Variants in RAD54L2 observed in about 807,000 individuals in gnomAD.
RAD54L2 encodes helicase ARIP4.
In RAD54L2, 27 loss-of-function variants were observed where a neutral mutation model predicts 138.4. That is an observed-to-expected ratio of 0.20 (90% CI 0.14 to 0.27). RAD54L2 has a LOEUF of 0.27. Among genes scored for constraint, RAD54L2 ranks in the 10% least tolerant of loss-of-function variants. The pLI, the probability that RAD54L2 is intolerant of heterozygous loss-of-function variation, is 1.00. For synonymous variants in RAD54L2, 644 were observed against 723.2 expected (o/e 0.89, Z 1.76); for missense variants, 1,396 against 1,890.2 (o/e 0.74, Z 4.85).
intron 3 of RAD54L2, among the ~76,000 whole-genome samples, chr3:51,608,316 G>A (rs183122723): frequency 4.6e-5 from 7 of 152,012 alleles, no homozygotes; most frequent in Non-Finnish European, 1.0e-4. Context: ...GATGACGGCC[G>A]GGAAGAGGCA....
At chr3:51,614,162 CT>C (rs75455053) in intron 3 of RAD54L2, among the ~76,000 whole-genome samples, 49 of 145,272 alleles carry the variant, frequency 3.4e-4, no homozygotes, top group Admixed American at 6.2e-4. Context: ...TGTTCTGTTT[CT>C]TTTTTTTTTT....
intron 2 of RAD54L2, among the ~76,000 whole-genome samples, chr3:51,587,027 TTGA>T (rs746596016): frequency 6.6e-5 from 10 of 152,120 alleles, no homozygotes; most frequent in Non-Finnish European, 1.3e-4. Flanking sequence ...TTCAAAGTTG[TTGA>T]TATCTAATTG....
Position 51,645,730 on chromosome 3 carries a change from G to T in RAD54L2, c.2796G>T (p.Leu932=). The T allele has an allele frequency of 6.2e-7, 1 of 1,612,834 alleles. No homozygotes were observed. Among genetic ancestry groups the T allele is most frequent in the Non-Finnish European group, 8.5e-7 (1 of 1,179,480 alleles). ...VKGIKESVLQ[L]ACLKYPHLIT... ...GGATCAAGGAGTCAGTCCTGCAACT[G>T]GCCTGTCTGAAGTACCCTCACCTCA... is the stretch of plus-strand genomic sequence containing the variant. Residue 932 remains leucine, a synonymous_variant, in exon 18 of 23, where the codon CTG becomes CTT. Coordinates refer to ENST00000684192, the MANE Select transcript of RAD54L2 (RefSeq NM_015106.4). The surrounding 1 kb of genome is among the most constrained non-coding windows in gnomAD (Gnocchi z 6.1).
chr3:51,585,124 T>C (rs1400881982), intron 2 of RAD54L2, among the ~76,000 whole-genome samples: 1 of 152,160 alleles, frequency 6.6e-6, no homozygotes, highest in Non-Finnish European at 1.5e-5. Flanking sequence ...TTTTCTACTC[T>C]TAAAAGACTT....
chr3:51,622,354 G>C (rs9864693), intron 3 of RAD54L2, among the ~76,000 whole-genome samples: 114,423 of 151,488 alleles, frequency 0.76, 44,205 homozygotes, highest in Middle Eastern at 0.86. Flanking sequence ...TGCTTTCTTT[G>C]GGAGGCTTTT....
chr3:51,579,386 G>A (rs747038294), intron 2 of RAD54L2, among the ~76,000 whole-genome samples: 3 of 152,228 alleles, frequency 2.0e-5, no homozygotes, highest in Middle Eastern at 3.4e-3. Context: ...TTGAGGGTGG[G>A]GCCCTTGCCA....
Position 51,630,404 on chromosome 3 carries a change from G to T in RAD54L2, c.598+16G>T. The T allele has an allele frequency of 2.5e-6, 4 of 1,602,300 alleles. No homozygotes were observed. The highest frequency in any genetic ancestry group is 3.4e-6 in the Non-Finnish European group (4 of 1,169,702). ...AGTCGAGATGGTAAGATCAAACCAG[G>T]TGCCTCCCTTTCTTCCGACCTGGTG... On this transcript the variant is annotated intron_variant, in intron 6 of 22. Transcript: ENST00000684192.
intron 2 of RAD54L2, among the ~76,000 whole-genome samples, chr3:51,550,530 A>G (rs1250617521): frequency 6.6e-6 from 1 of 152,076 alleles, no homozygotes; most frequent in Non-Finnish European, 1.5e-5. Context: ...TGGGAGGCCA[A>G]GGTAGGTGGA....
chr3:51,635,427 A>G (rs2045913644), intron 9 of RAD54L2, among the ~76,000 whole-genome samples, 166 bp from the exon 10 acceptor site: 1 of 152,198 alleles, frequency 6.6e-6, no homozygotes, highest in South Asian at 2.1e-4. Flanking sequence ...CTTGGGTGGT[A>G]GGCTACCCCT....
At chr3:51,619,067 T>C (rs932556305) in intron 3 of RAD54L2, among the ~76,000 whole-genome samples, 1 of 152,118 alleles carries the variant, frequency 6.6e-6, no homozygotes, top group Admixed American at 6.5e-5. Flanking sequence ...TTTGTTTGTT[T>C]GTTTGTTTGA....
chr3:51,584,524 A>G (rs570632659), intron 2 of RAD54L2, among the ~76,000 whole-genome samples: 12 of 151,814 alleles, frequency 7.9e-5, no homozygotes, highest in Non-Finnish European at 1.5e-4. Flanking sequence ...TTGCATAGGA[A>G]GGTATTTGGA....
chr3:51,546,850 G>A (rs920130083), intron 2 of RAD54L2, among the ~76,000 whole-genome samples: 9 of 151,548 alleles, frequency 5.9e-5, no homozygotes, highest in Non-Finnish European at 1.2e-4. Context: ...CTAACATGGC[G>A]AAACCCTATC....
chr3:51,567,260 C>G (rs944253020), intron 2 of RAD54L2, among the ~76,000 whole-genome samples: 3 of 152,086 alleles, frequency 2.0e-5, no homozygotes, highest in Non-Finnish European at 4.4e-5. Context: ...TTAAAAAGGA[C>G]AGTTATTATA....
rs1402950553 is a variant in RAD54L2 at position 51,656,118 on chromosome 3, C to T, written c.3174C>T (p.Ile1058=). The T allele has an allele frequency of 1.2e-6, 2 of 1,613,894 alleles. No individual in the cohort carries two copies. Among genetic ancestry groups the T allele is most frequent in the Admixed American group, 3.3e-5 (2 of 59,996 alleles). ...SSTNPSMNFP[I]NYLQRAGVLV... ...CAAATCCATCCATGAACTTTCCCAT[C>T]AACTACTTGCAGCGTGCAGGAGTCC... The change falls in exon 20 of 23, where the codon ATC becomes ATT. Residue 1058 remains isoleucine, a synonymous_variant. Coordinates refer to ENST00000684192, the MANE Select transcript of RAD54L2 (RefSeq NM_015106.4).
At position 51,562,035 on chromosome 3, in the gene RAD54L2, AT is replaced by A. The variant is rs111227414; in HGVS notation, c.-55+20397del. On this transcript the variant is annotated intron_variant, in intron 2 of 22. Coordinates refer to ENST00000684192, the MANE Select transcript of RAD54L2 (RefSeq NM_015106.4). ...AGGTGTGTGGCACCCTGCCCAGTTAATTTTTTTTTTTTCCCCCTGAGACCGA... is the reference window on the plus strand; with the variant it reads ...AGGTGTGTGGCACCCTGCCCAGTTAATTTTTTTTTTTCCCCCTGAGACCGA... 9.4e-3 allele frequency among the ~76,000 whole-genome samples: 1,288 copies of A among 137,528 alleles called. 5 individuals are homozygous for A. Among genetic ancestry groups the A allele is most frequent in the African/African-American group, 0.019 (718 of 37,304 alleles). 90.2% of individuals were successfully genotyped at this position (137,528 alleles called of 152,430 possible).
chr3:51,620,193 G>A (rs1458707044), intron 3 of RAD54L2, among the ~76,000 whole-genome samples: 1 of 151,730 alleles, frequency 6.6e-6, no homozygotes, highest in Non-Finnish European at 1.5e-5. Flanking sequence ...AACTTCCTGG[G>A]CTCAAGCGGT....
chr3:51,568,804 G>T (rs981231551), intron 2 of RAD54L2, among the ~76,000 whole-genome samples: 1 of 152,170 alleles, frequency 6.6e-6, no homozygotes, highest in African/African-American at 2.4e-5. Context: ...GGTGGGGAAT[G>T]TAGTGCTATC....
At chr3:51,639,801 G>T in intron 13 of RAD54L2, 80 bp from the exon 14 acceptor site, 1 of 1,483,564 alleles carries the variant, frequency 6.7e-7, no homozygotes, top group Non-Finnish European at 9.2e-7. Flanking sequence ...CCAGTGAGCT[G>T]CTGCCTTGGA....
At chr3:51,551,751 TTTTC>T (rs1481836571) in intron 2 of RAD54L2, among the ~76,000 whole-genome samples, 2 of 150,364 alleles carry the variant, frequency 1.3e-5, no homozygotes, top group East Asian at 2.0e-4. Flanking sequence ...ATACATTTCT[TTTTC>T]TTTCTTTTTT....
Sources: allele counts gnomAD v4.1 joint callset (sites outside exome capture counted in the v4.1 genomes callset), GRCh38; gene constraint gnomAD v4.1.1; non-coding constraint Gnocchi (gnomAD v3.1); transcripts MANE v1.5; gene names NCBI Gene and HGNC (gene_info 2026-07-23, HGNC 2026-07-21).